Variants in FBXO25 observed in about 807,000 individuals in gnomAD.
The protein encoded by FBXO25 is F-box only protein 25.
FBXO25 carries 45 observed loss-of-function variants against 51.9 expected under a neutral mutation model. That is an observed-to-expected ratio of 0.87 (90% CI 0.68 to 1.11). The LOEUF (loss-of-function observed/expected upper bound fraction) is 1.11, where lower values mean the gene tolerates loss of function less well. Among genes scored for constraint, FBXO25 ranks in the 50% most tolerant of loss-of-function variants. The pLI is 0.00. For missense variants in FBXO25, 507 were observed against 428.5 expected, an observed-to-expected ratio of 1.18 and a Z score of -1.62; for synonymous variants, 199 against 151.0, an observed-to-expected ratio of 1.32 and a Z score of -2.33.
intron 5 of FBXO25, among the ~76,000 whole-genome samples, chr8:448,505 T>C (rs1798874466): frequency 6.6e-6 from 1 of 152,200 alleles, no homozygotes; most frequent in Non-Finnish European, 1.5e-5. Context: ...AGTCAAACCA[T>C]CTTTTGTATC....
rs553792234 is a variant in FBXO25 at position 459,755 on chromosome 8, A to C, written c.843+1204A>C. 7.2e-5 allele frequency among the ~76,000 whole-genome samples: 11 copies of C among 152,248 alleles called. No homozygotes were observed. The East Asian group carries it at 2.1e-3, about 30-fold the overall frequency. ...GACAGATGCATATGGAGAGGACAGG[A>C]GGCAACGGGATCAGCCTGGGCAGGG... On this transcript the variant is annotated intron_variant, in intron 8 of 9. Coordinates refer to ENST00000350302, the MANE Select transcript of FBXO25 (RefSeq NM_183420.2).
In FBXO25 at chr8:464,763, A is replaced by G. The variant is rs79357571; in HGVS notation, c.987+1613A>G. 7.9e-3 allele frequency among the ~76,000 whole-genome samples: 1,199 copies of G among 152,292 alleles called. 10 individuals are homozygous for G. Among genetic ancestry groups the G allele is most frequent in the African/African-American group, 0.027 (1,138 of 41,570 alleles). ...TTTCTTGTATTATTTTAATAGTTTT[A>G]TTTGGTATATCAAAGGTAAACAGCA... is the stretch of plus-strand genomic sequence containing the variant. On this transcript the variant is annotated intron_variant, in intron 9 of 9. Transcript: ENST00000350302.
At chr8:426,307 G>A (rs1056911708) in intron 2 of FBXO25, among the ~76,000 whole-genome samples, 5 of 152,248 alleles carry the variant, frequency 3.3e-5, no homozygotes, top group Non-Finnish European at 4.4e-5. Flanking sequence ...TCACTATTTA[G>A]ATGTTAAATC....
intron 2 of FBXO25, among the ~76,000 whole-genome samples, chr8:415,487 A>G (rs574883791): frequency 2.1e-4 from 32 of 152,312 alleles, no homozygotes; most frequent in African/African-American, 7.2e-4. Context: ...TAAGCCTTTT[A>G]TTAGGCTGTT....
At chr8:408,602 C>A (rs1254932436) in intron 1 of FBXO25, among the ~76,000 whole-genome samples, 1 of 152,156 alleles carries the variant, frequency 6.6e-6, no homozygotes, top group African/African-American at 2.4e-5. Context: ...AATGCGTAGC[C>A]TATGGTAAGC....
intron 5 of FBXO25, among the ~76,000 whole-genome samples, chr8:443,163 C>T (rs1374019522): frequency 6.6e-6 from 1 of 150,920 alleles, no homozygotes; most frequent in African/African-American, 2.5e-5. Flanking sequence ...AGATTGCTGA[C>T]GACGGTGGAT....
In FBXO25 at chr8:469,389, A is replaced by G. The variant is rs1430393857; in HGVS notation, c.*585A>G. On this transcript the variant is annotated 3_prime_UTR_variant, in exon 10 of 10. Coordinates refer to ENST00000350302, the MANE Select transcript of FBXO25 (RefSeq NM_183420.2). ...TGAAGTGTGCACACGCAGCCCAACA[A>G]CGGGCAGTGGTCTCTGTGCTCCTAG... is the stretch of plus-strand genomic sequence containing the variant. 6.6e-6 allele frequency: 1 copy of G among 152,346 alleles called. No homozygotes were observed. Among genetic ancestry groups the G allele is most frequent in the African/African-American group, 2.4e-5 (1 of 41,422 alleles). 9.4% of individuals were successfully genotyped at this position (152,346 alleles called of 1,614,324 possible).
intron 1 of FBXO25, among the ~76,000 whole-genome samples, chr8:412,751 C>T (rs1355835380): frequency 6.6e-6 from 1 of 152,194 alleles, no homozygotes. Flanking sequence ...AGAGAGAATA[C>T]TTGTTTGGAA....
intron 1 of FBXO25, among the ~76,000 whole-genome samples, chr8:412,391 T>A (rs1294148453): frequency 6.6e-6 from 1 of 152,214 alleles, no homozygotes; most frequent in Admixed American, 6.5e-5. Flanking sequence ...CTTCTGTTTA[T>A]TTTGCCACTG....
At chr8:425,908 T>TTC (rs1554437991) in intron 2 of FBXO25, among the ~76,000 whole-genome samples, 3 of 147,852 alleles carry the variant, frequency 2.0e-5, no homozygotes, top group African/African-American at 7.7e-5. Flanking sequence ...TTTTTTTTTT[T>TTC]CCACTTTTAT....
At position 468,885 on chromosome 8, in the gene FBXO25, G is replaced by A; in HGVS notation, c.*81G>A. 2 of 1,353,642 alleles carry A rather than the reference G, an allele frequency of 1.5e-6. No individual in the cohort carries two copies. Among genetic ancestry groups the A allele is most frequent in the Non-Finnish European group, 2.0e-6 (2 of 981,546 alleles). The allele number at this position is 1,353,642 out of a possible 1,614,324, so 83.9% of individuals were successfully genotyped here. A position where few individuals can be genotyped will look rare whatever the true frequency, so the allele number is the denominator to read the frequency against. On this transcript the variant is annotated 3_prime_UTR_variant, in exon 10 of 10. Coordinates refer to ENST00000350302, the MANE Select transcript of FBXO25 (RefSeq NM_183420.2). ...TCATAGTGAGTGTTCTGTGAGGTGG[G>A]TGGAGACTCCTCGGAAGCCCCTGCT...
chr8:438,336 G>A (rs1321536903), intron 5 of FBXO25, among the ~76,000 whole-genome samples: 1 of 152,198 alleles, frequency 6.6e-6, no homozygotes, highest in East Asian at 1.9e-4. Context: ...TAGGATTACA[G>A]GTGTGAGCCA....
At chr8:408,109 A>T (rs117726827) in intron 1 of FBXO25, among the ~76,000 whole-genome samples, 8,977 of 152,224 alleles carry the variant, frequency 0.059, 284 homozygotes, top group Middle Eastern at 0.082. Flanking sequence ...TTAGAGTACA[A>T]CTTATTTCTG....
At chr8:408,421 G>A (rs1464227418) in intron 1 of FBXO25, among the ~76,000 whole-genome samples, 1 of 152,194 alleles carries the variant, frequency 6.6e-6, no homozygotes, top group African/African-American at 2.4e-5. Context: ...TTAGGAGCAT[G>A]GATCCTGGAG....
chr8:444,048 C>G (rs1395804177), intron 5 of FBXO25, among the ~76,000 whole-genome samples: 1 of 152,168 alleles, frequency 6.6e-6, no homozygotes, highest in East Asian at 1.9e-4. Context: ...GTTTTCTCAT[C>G]TCTAGAGCAG....
intron 7 of FBXO25, among the ~76,000 whole-genome samples, chr8:455,550 G>A (rs1799366928): frequency 6.6e-6 from 1 of 152,190 alleles, no homozygotes; most frequent in Non-Finnish European, 1.5e-5. Flanking sequence ...CTCGATCTTG[G>A]GCAAGCCAGT....
chr8:462,566 G>A (rs931686678), intron 8 of FBXO25, among the ~76,000 whole-genome samples: 10 of 152,180 alleles, frequency 6.6e-5, no homozygotes, highest in African/African-American at 2.4e-4. Flanking sequence ...TCAAATAATT[G>A]TTTTATGTAC....
intron 5 of FBXO25, among the ~76,000 whole-genome samples, chr8:447,921 GAAGA>G (rs770340567): frequency 5.3e-5 from 8 of 152,178 alleles, no homozygotes; most frequent in Non-Finnish European, 1.0e-4. Flanking sequence ...CAAGTTGGCA[GAAGA>G]AAGGATGGCA....
Position 474,316 on chromosome 8 carries a change from C to T in FBXO25, c.*5512C>T. 5.4e-6 allele frequency: 1 copy of T among 185,184 alleles called. No individual in the cohort carries two copies. Among genetic ancestry groups the T allele is most frequent in the Non-Finnish European group, 1.1e-5 (1 of 90,132 alleles). 11.5% of individuals were successfully genotyped at this position (185,184 alleles called of 1,614,324 possible). Reference sequence around the variant, plus strand: ...TTTAAGGCTGATTCTATGGATGGACCACATTTTGTTTGTGTACTCATCTGT... The same window carrying T: ...TTTAAGGCTGATTCTATGGATGGACTACATTTTGTTTGTGTACTCATCTGT... On this transcript the variant is annotated 3_prime_UTR_variant, in exon 10 of 10. Coordinates refer to ENST00000350302, the MANE Select transcript of FBXO25 (RefSeq NM_183420.2).
Sources: allele counts gnomAD v4.1 joint callset (sites outside exome capture counted in the v4.1 genomes callset), GRCh38; gene constraint gnomAD v4.1.1; transcripts MANE v1.5; gene names NCBI Gene and HGNC (gene_info 2026-07-23, HGNC 2026-07-21).